Variants in RABL6 observed in about 807,000 individuals in gnomAD.
RABL6 encodes the protein RAB, member RAS oncogene family like 6.
In RABL6, 28 loss-of-function variants were observed where a neutral mutation model predicts 72.9. The observed-to-expected ratio is 0.38, with a 90% CI of 0.28 to 0.53. The LOEUF is 0.53. Among genes scored for constraint, RABL6 ranks in the 20% least tolerant of loss-of-function variants. The probability of loss-of-function intolerance (pLI) is 0.80; values close to 1 mark genes in which losing one functional copy is unlikely to be tolerated. For missense variants in RABL6, 1,029 were observed against 1,008.4 expected, an observed-to-expected ratio of 1.02 and a Z score of -0.28; for synonymous variants, 477 against 421.2, an observed-to-expected ratio of 1.13 and a Z score of -1.62.
chr9:136,835,948 C>G, intron 8 of RABL6, 103 bp downstream of exon 8: 1 of 1,161,330 alleles, frequency 8.6e-7, no homozygotes, highest in Non-Finnish European at 1.2e-6. Context: ...GGGAGTGTCC[C>G]CTGTTTGGGG....
intron 1 of RABL6, chr9:136,808,917 G>C (rs761831118): frequency 6.6e-6 from 1 of 152,196 alleles, no homozygotes; most frequent in Non-Finnish European, 1.5e-5. Context: ...GCGACTGTAG[G>C]AGACATCCCA....
At chr9:136,813,030 A>G (rs1177511227) in intron 1 of RABL6, 1 of 373,240 alleles carries the variant, frequency 2.7e-6, no homozygotes, top group Non-Finnish European at 5.3e-6. Context: ...CACTGTTGCC[A>G]TCTACAGAGC....
At chr9:136,808,894 C>T (rs1847938022) in intron 1 of RABL6, 1 of 152,164 alleles carries the variant, frequency 6.6e-6, no homozygotes, top group African/African-American at 2.4e-5. Flanking sequence ...CTCCAGAAGG[C>T]ACGGGCTGAC....
intron 2 of RABL6, 151 bp from the exon 3 acceptor site, chr9:136,825,628 T>C: frequency 1.2e-6 from 1 of 812,346 alleles, no homozygotes; most frequent in South Asian, 1.5e-5. Context: ...TGTGGTCGTC[T>C]GGGGAGGACA....
intron 5 of RABL6, among the ~76,000 whole-genome samples, chr9:136,830,412 G>A (rs1378516253): frequency 1.3e-5 from 2 of 152,252 alleles, no homozygotes; most frequent in Non-Finnish European, 2.9e-5. Flanking sequence ...CACCACCAAG[G>A]ACTGACCGCA....
intron 2 of RABL6, among the ~76,000 whole-genome samples, chr9:136,824,326 G>GTTTT (rs34760204): frequency 3.1e-4 from 23 of 75,036 alleles, no homozygotes; most frequent in Non-Finnish European, 4.0e-4. Flanking sequence ...GTTTGGTTGG[G>GTTTT]TTTTTTTTTT....
At position 136,840,302 on chromosome 9, in the gene RABL6, C is replaced by T. The variant is rs1848666011; in HGVS notation, c.1990-20C>T. On this transcript the variant is annotated intron_variant, in intron 14 of 14. Transcript: ENST00000311502. ...GTGGCTTCCTGTGACTCCATGGCGC[C>T]CCATCCTTGTGCTCCTCAGGAAGAA... is the stretch of plus-strand genomic sequence containing the variant. 11 of 1,604,088 alleles carry T rather than the reference C, an allele frequency of 6.9e-6. No individual in the cohort carries two copies. In the East Asian group the frequency reaches 2.5e-4, roughly 36 times the overall value.
chr9:136,840,114 T>C (rs1485723408), intron 13 of RABL6, 40 bp from the exon 14 acceptor site: 23 of 1,612,336 alleles, frequency 1.4e-5, no homozygotes, highest in African/African-American at 2.7e-5. Context: ...GGGGTCCCCG[T>C]TGGCCTGAGT....
intron 5 of RABL6, chr9:136,831,100 CTTTCAGTCGTGGGG>C (rs1848463929): frequency 1.3e-5 from 2 of 154,690 alleles, no homozygotes; most frequent in Non-Finnish European, 2.9e-5. Flanking sequence ...CTTATGTTGG[CTTTCAGTCGTGGGG>C]AAGTTTTGTC....
At chr9:136,839,997 C>G (rs1242935462) in intron 13 of RABL6, 132 bp downstream of exon 13, 1 of 1,463,292 alleles carries the variant, frequency 6.8e-7, no homozygotes, top group Admixed American at 1.9e-5. Flanking sequence ...TGGCAGCCCC[C>G]TGCAGGAGCT....
intron 8 of RABL6, chr9:136,836,679 G>A (rs763649647): frequency 1.8e-4 from 28 of 158,700 alleles, no homozygotes; most frequent in Admixed American, 2.4e-4. Flanking sequence ...ATGCTGCGAT[G>A]GCCGCACGTG....
intron 1 of RABL6, among the ~76,000 whole-genome samples, chr9:136,817,157 C>T (rs199740668): frequency 2.2e-5 from 3 of 134,768 alleles, no homozygotes; most frequent in East Asian, 2.4e-4. Context: ...AGAAGCAGCA[C>T]GAGAAGCAGC....
intron 10 of RABL6, among the ~76,000 whole-genome samples, chr9:136,838,443 C>T (rs1260079622): frequency 2.0e-5 from 3 of 152,180 alleles, no homozygotes; most frequent in Non-Finnish European, 4.4e-5. Flanking sequence ...TCTGCCAGCC[C>T]CTCCCACCAC....
intron 1 of RABL6, among the ~76,000 whole-genome samples, chr9:136,822,628 G>A (rs916439670): frequency 1.3e-5 from 2 of 152,130 alleles, no homozygotes; most frequent in Non-Finnish European, 2.9e-5. Flanking sequence ...TGCTAAGTCC[G>A]TGCTCCCCTC....
chr9:136,811,701 C>T (rs1848015867), intron 1 of RABL6, among the ~76,000 whole-genome samples: 1 of 152,124 alleles, frequency 6.6e-6, no homozygotes, highest in Admixed American at 6.5e-5. Context: ...CCACGTTGCC[C>T]AGCTGGGCTC....
In RABL6 at chr9:136,840,936, G is replaced by C; in HGVS notation, c.*414G>C. 2 of 1,469,782 alleles carry C rather than the reference G, an allele frequency of 1.4e-6. No individual in the cohort carries two copies. The highest frequency in any genetic ancestry group is 1.8e-6 in the Non-Finnish European group (2 of 1,106,232). The allele number at this position is 1,469,782 out of a possible 1,614,324, so 91.0% of individuals were successfully genotyped here. A position where few individuals can be genotyped will look rare whatever the true frequency, so the allele number is the denominator to read the frequency against. ...CCGCGCTCATCTGGGGCCGCAGCAT[G>C]CCTATGGTTCCGCTTCCGGCCGGGA... On this transcript the variant is annotated 3_prime_UTR_variant, in exon 15 of 15. Transcript: ENST00000311502.
intron 8 of RABL6, chr9:136,836,845 G>A: frequency 3.3e-6 from 1 of 301,350 alleles, no homozygotes; most frequent in South Asian, 2.9e-5. Flanking sequence ...CATGTACGCT[G>A]GTGCCTGCTG....
intron 1 of RABL6, among the ~76,000 whole-genome samples, chr9:136,818,985 A>C (rs906497587): frequency 6.6e-6 from 1 of 152,144 alleles, no homozygotes; most frequent in Non-Finnish European, 1.5e-5. Flanking sequence ...ACAGGTTGCA[A>C]ATCTTCCAAA....
chr9:136,819,519 T>A (rs189156232), intron 1 of RABL6, among the ~76,000 whole-genome samples: 2 of 152,198 alleles, frequency 1.3e-5, no homozygotes, highest in African/African-American at 4.8e-5. Context: ...TTAATTTGGC[T>A]ATGTGGTGTA....
Sources: gnomAD v4.1 joint callset for allele counts (sites outside exome capture counted in the v4.1 genomes callset) on GRCh38, gnomAD v4.1.1 for gene constraint, MANE v1.5 for transcripts, NCBI Gene and HGNC (gene_info 2026-07-23, HGNC 2026-07-21) for gene names.